LAMC1: variants seen among roughly 807,000 people sequenced by gnomAD.
LAMC1 encodes the protein laminin subunit gamma 1.
Under a neutral mutation model 173.6 loss-of-function variants are expected in LAMC1, and 38 were observed. The ratio of observed to expected loss-of-function variants is 0.22; its 90% CI spans 0.17 to 0.29. The LOEUF (loss-of-function observed/expected upper bound fraction) is 0.29, where lower values mean the gene tolerates loss of function less well. Ranked by LOEUF, LAMC1 falls within the 10% of genes least tolerant of loss-of-function variation. LAMC1 has a pLI of 1.00. For synonymous variants in LAMC1, 746 were observed against 749.1 expected (o/e 1.00, Z 0.07); for missense variants, 1,824 against 2,051.8 (o/e 0.89, Z 2.14).
intron 1 of LAMC1, among the ~76,000 whole-genome samples, chr1:183,036,759 GTTTTC>G (rs1653995309): frequency 6.7e-6 from 1 of 149,092 alleles, no homozygotes; most frequent in African/African-American, 2.4e-5. Context: ...ACAAAGGATT[GTTTTC>G]TTTTTTTGTT....
intron 1 of LAMC1, among the ~76,000 whole-genome samples, chr1:183,100,498 C>G (rs1489348956): frequency 1.3e-5 from 2 of 152,166 alleles, no homozygotes; most frequent in East Asian, 3.9e-4. Flanking sequence ...GATCACTCCT[C>G]TGTGTTCTCT....
Position 183,126,290 on chromosome 1 carries a change from T to C in LAMC1, c.2944+28T>C, listed in dbSNP as rs1656618427. ...AAGGGGTGTTGGTGGCATACAACTC[T>C]AAGCTTCCACTAATTCCAGTTAGTG... On this transcript the variant is annotated intron_variant, in intron 16 of 27. Coordinates refer to ENST00000258341, the MANE Select transcript of LAMC1 (RefSeq NM_002293.4). The C allele has an allele frequency of 3.1e-6, 5 of 1,606,304 alleles. No individual in the cohort carries two copies. In the South Asian group the frequency reaches 5.6e-5, roughly 18 times the overall value.
chr1:183,097,056 G>A (rs532544891), intron 1 of LAMC1, among the ~76,000 whole-genome samples: 10 of 152,272 alleles, frequency 6.6e-5, no homozygotes, highest in East Asian at 1.9e-4. Flanking sequence ...GCCTTGGGTC[G>A]TCTTAATCAG....
intron 1 of LAMC1, among the ~76,000 whole-genome samples, chr1:183,036,107 T>C (rs1653973976): frequency 6.6e-6 from 1 of 151,754 alleles, no homozygotes; most frequent in African/African-American, 2.4e-5. Context: ...TTTTTTTTTT[T>C]TTTTTTTTTA....
rs1656696504 is a variant in LAMC1, at chr1:183,128,762, T to C, written c.3280+12T>C. 6.2e-7 allele frequency: 1 copy of C among 1,610,626 alleles called. No individual in the cohort carries two copies. Among genetic ancestry groups the C allele is most frequent in the Admixed American group, 1.7e-5 (1 of 59,960 alleles). The stretch of plus-strand genomic sequence containing the variant: ...CCAGGATGTCAAAGGTACGCATGAT[T>C]GAACAGTGCATGACTTCTGTGAGAT... On this transcript the variant is annotated intron_variant, in intron 18 of 27. Transcript: ENST00000258341.
Position 183,103,411 on chromosome 1 carries a change from G to A in LAMC1, c.502G>A (p.Glu168Lys). 6.2e-7 allele frequency: 1 copy of A among 1,614,206 alleles called. No homozygotes were observed. Among genetic ancestry groups the A allele is most frequent in the Non-Finnish European group, 8.5e-7 (1 of 1,180,042 alleles). ...CTTTGCCATTTACAAGCGCACACGG[G>A]AAGACGGGCCCTGGATTCCTTACCA... ...ESFAIYKRTR[E>K]DGPWIPYQYY... is the part of the protein sequence containing the mutation. Residue 168 changes from glutamate to lysine, a missense_variant, in exon 2 of 28, where the codon GAA (glutamate) becomes AAA (lysine). Coordinates refer to ENST00000258341, the MANE Select transcript of LAMC1 (RefSeq NM_002293.4).
intron 1 of LAMC1, among the ~76,000 whole-genome samples, chr1:183,037,665 G>A (rs1654017729): frequency 6.6e-6 from 1 of 152,056 alleles, no homozygotes; most frequent in South Asian, 2.1e-4. Context: ...CTCTCTTTCT[G>A]CCTCCCTCCT....
At chr1:183,095,984 G>C (rs1234043899) in intron 1 of LAMC1, among the ~76,000 whole-genome samples, 1 of 152,124 alleles carries the variant, frequency 6.6e-6, no homozygotes, top group Non-Finnish European at 1.5e-5. Context: ...AATTCTCTCT[G>C]TATGCATATA....
intron 1 of LAMC1, among the ~76,000 whole-genome samples, chr1:183,084,014 C>T (rs1242422881): frequency 6.6e-6 from 1 of 152,142 alleles, no homozygotes; most frequent in Non-Finnish European, 1.5e-5. Flanking sequence ...TATGTGGGAT[C>T]TTTACAATAT....
intron 1 of LAMC1, among the ~76,000 whole-genome samples, chr1:183,075,784 T>TTGTA (rs1558040085): frequency 6.6e-6 from 1 of 152,188 alleles, no homozygotes; most frequent in African/African-American, 2.4e-5. Context: ...TTGTGTTAGT[T>TTGTA]TGTATAGTAG....
At position 183,128,519 on chromosome 1, in the gene LAMC1, G is replaced by T; in HGVS notation, c.3124-75G>T. On this transcript the variant is annotated intron_variant, in intron 17 of 27. Coordinates refer to ENST00000258341, the MANE Select transcript of LAMC1 (RefSeq NM_002293.4). ...TATTCATGGAGTGCCCATGATTCCT[G>T]CAGGAAGTGTGATTGAGTTCTTCAG... 6 of 1,273,194 alleles carry T rather than the reference G, an allele frequency of 4.7e-6. No individual in the cohort carries two copies. The South Asian group carries it at 8.2e-5, about 17-fold the overall frequency. The allele number at this position is 1,273,194 out of a possible 1,614,324, so 78.9% of individuals were successfully genotyped here. A position where few individuals can be genotyped will look rare whatever the true frequency, so the allele number is the denominator to read the frequency against.
intron 20 of LAMC1, 22 bp from the exon 21 acceptor site, chr1:183,132,375 CTTA>C: frequency 6.3e-7 from 1 of 1,584,356 alleles, no homozygotes; most frequent in African/African-American, 1.4e-5. Context: ...TGTTTCATGG[CTTA>C]TTTTTTGTTT....
chr1:183,067,178 T>A (rs1020259445), intron 1 of LAMC1, among the ~76,000 whole-genome samples: 2 of 152,200 alleles, frequency 1.3e-5, no homozygotes, highest in Non-Finnish European at 2.9e-5. Flanking sequence ...AGTAGTCATA[T>A]TCTTACAGAT....
chr1:183,130,410 G>T lies in LAMC1; in HGVS notation c.3347G>T (p.Arg1116Leu), dbSNP rs548688323. 2 of 1,614,154 alleles carry T rather than the reference G, an allele frequency of 1.2e-6. No homozygotes were observed. The highest frequency in any genetic ancestry group is 1.1e-5 in the South Asian group (1 of 91,086). Residue 1116 changes from arginine (R) to leucine (L), a missense_variant, in exon 19 of 28, where the codon CGT becomes CTT. Coordinates refer to ENST00000258341, the MANE Select transcript of LAMC1 (RefSeq NM_002293.4). ...AACACTCTGTCCAGCCAAATTAGCC[G>T]TTTACAGAATATCCGGAATACCATT... ...VNNTLSSQIS[R>L]LQNIRNTIEE... is the part of the protein sequence containing the mutation.
chr1:183,091,651 C>T (rs112642122), intron 1 of LAMC1, among the ~76,000 whole-genome samples: 1 of 152,122 alleles, frequency 6.6e-6, no homozygotes, highest in African/African-American at 2.4e-5. Context: ...GAATGTAACA[C>T]CCTCCCTGAA....
chr1:183,131,190 AGGTAGAGGCATTCTTTTTGCCCTCT>A, intron 19 of LAMC1, 84 bp from the exon 20 acceptor site: 6 of 686,424 alleles, frequency 8.7e-6, no homozygotes, highest in South Asian at 1.7e-5. Context: ...AAAAAAAAAA[AGGTAGAGGCATTCTTTTTGCCCTCT>A]AACAAAAATT....
intron 18 of LAMC1, 166 bp downstream of exon 18, chr1:183,128,916 G>T: frequency 2.3e-6 from 1 of 440,584 alleles, no homozygotes; most frequent in East Asian, 3.7e-5. Context: ...AAAGCAACCT[G>T]ACAAATTTAC....
At chr1:183,122,981 G>A (rs746919851) in intron 13 of LAMC1, among the ~76,000 whole-genome samples, 6 of 152,074 alleles carry the variant, frequency 3.9e-5, no homozygotes, top group Non-Finnish European at 7.4e-5. Context: ...CTTACACTCC[G>A]TGCTGATTTG....
intron 25 of LAMC1, among the ~76,000 whole-genome samples, chr1:183,137,019 G>C (rs1416726530): frequency 6.6e-6 from 1 of 152,100 alleles, no homozygotes; most frequent in African/African-American, 2.4e-5. Context: ...ACTTCCCATA[G>C]CTGCCATTGC....
Sources: gnomAD v4.1 joint callset for allele counts (sites outside exome capture counted in the v4.1 genomes callset) on GRCh38, gnomAD v4.1.1 for gene constraint, MANE v1.5 for transcripts, NCBI Gene and HGNC (gene_info 2026-07-23, HGNC 2026-07-21) for gene names.